The following TANGO2 variants were observed in gnomAD, a reference collection of about 807,000 sequenced individuals.
TANGO2 encodes transport and Golgi organization protein 2 homolog.
In TANGO2, 26 loss-of-function variants were observed where a neutral mutation model predicts 39.1. The ratio of observed to expected loss-of-function variants is 0.67; its 90% CI spans 0.49 to 0.92. The LOEUF (loss-of-function observed/expected upper bound fraction) is 0.92. Ranked by LOEUF, TANGO2 falls within the 40% of genes least tolerant of loss-of-function variation. The pLI, the probability that TANGO2 is intolerant of heterozygous loss-of-function variation, is 0.00. For synonymous variants in TANGO2, 131 were observed against 144.5 expected, an observed-to-expected ratio of 0.91 and a Z score of 0.67; for missense variants, 326 against 360.1, an observed-to-expected ratio of 0.91 and a Z score of 0.77.
At chr22:20,030,599 C>G (rs1362149762) in intron 1 of TANGO2, among the ~76,000 whole-genome samples, 1 of 151,690 alleles carries the variant, frequency 6.6e-6, no homozygotes, top group Non-Finnish European at 1.5e-5. Flanking sequence ...CCCACCTTGG[C>G]CTCCCAAAGT....
chr22:20,056,119 G>A (rs746984007), intron 6 of TANGO2, 106 bp downstream of exon 6: 2 of 958,800 alleles, frequency 2.1e-6, no homozygotes, highest in East Asian at 2.5e-5. Context: ...CTTCTGAGAT[G>A]ACTTTGTGGC....
intron 6 of TANGO2, 38 bp downstream of exon 6, chr22:20,056,051 G>A (rs2047273316): frequency 1.3e-6 from 2 of 1,531,560 alleles, no homozygotes; most frequent in Non-Finnish European, 1.8e-6. Flanking sequence ...GTGGGGGACT[G>A]TTTCTATGCA....
chr22:20,062,875 C>T (rs2048636279), intron 7 of TANGO2: 1 of 157,044 alleles, frequency 6.4e-6, no homozygotes, highest in African/African-American at 2.4e-5. Context: ...AATCCCAGCA[C>T]TTTGGGAAGC....
upstream of TANGO2, chr22:20,017,115 C>A (rs1945239619): frequency 6.6e-6 from 1 of 152,268 alleles, no homozygotes; most frequent in Non-Finnish European, 1.5e-5. Flanking sequence ...CATCCAGCCC[C>A]GAGCAGGGAC....
intron 3 of TANGO2, among the ~76,000 whole-genome samples, chr22:20,050,894 C>G (rs1291066808): frequency 1.6e-5 from 2 of 127,898 alleles, no homozygotes; most frequent in African/African-American, 6.0e-5. Flanking sequence ...ATGGTGTGAT[C>G]TCGGCTCACT....
chr22:20,060,522 C>T (rs931485781), intron 6 of TANGO2, among the ~76,000 whole-genome samples: 4 of 152,120 alleles, frequency 2.6e-5, no homozygotes, highest in Non-Finnish European at 5.9e-5. Flanking sequence ...GCCCCAGCCT[C>T]CCGATGTGCT....
At chr22:20,063,937 C>T (rs934307803) in intron 8 of TANGO2, among the ~76,000 whole-genome samples, 2 of 152,248 alleles carry the variant, frequency 1.3e-5, no homozygotes, top group Non-Finnish European at 2.9e-5. Flanking sequence ...TCCCACCCCA[C>T]GGGGTGCACT....
intron 1 of TANGO2, among the ~76,000 whole-genome samples, chr22:20,034,649 C>T (rs1442996229): frequency 6.6e-6 from 1 of 152,180 alleles, no homozygotes; most frequent in Non-Finnish European, 1.5e-5. Context: ...GTGGCTGCGG[C>T]TGTAGTTCAT....
intron 6 of TANGO2, 59 bp downstream of exon 6, chr22:20,056,072 T>C (rs756347866): frequency 1.4e-6 from 2 of 1,404,658 alleles, no homozygotes; most frequent in Non-Finnish European, 2.0e-6. Flanking sequence ...GAGGTCACCC[T>C]TGTGCTTTTT....
intron 3 of TANGO2, among the ~76,000 whole-genome samples, chr22:20,050,025 G>A (rs904738629): frequency 7.2e-5 from 11 of 152,000 alleles, no homozygotes; most frequent in Non-Finnish European, 1.5e-4. Flanking sequence ...TGGCTAACAC[G>A]GTGAAACCCT....
chr22:20,059,517 C>T (rs1031452321), intron 6 of TANGO2, among the ~76,000 whole-genome samples: 1 of 152,226 alleles, frequency 6.6e-6, no homozygotes, highest in African/African-American at 2.4e-5. Context: ...ATGCGGGTTG[C>T]AGCTTCTCTG....
intron 1 of TANGO2, among the ~76,000 whole-genome samples, chr22:20,030,764 C>T (rs1469798571): frequency 6.6e-6 from 1 of 152,186 alleles, no homozygotes; most frequent in Non-Finnish European, 1.5e-5. Context: ...CTCGCCCAAC[C>T]AGCAGTTGCT....
chr22:20,043,176 A>C (rs1191285677), intron 2 of TANGO2, among the ~76,000 whole-genome samples, 179 bp from the exon 3 acceptor site: 2 of 152,144 alleles, frequency 1.3e-5, no homozygotes, highest in Non-Finnish European at 2.9e-5. Context: ...GGCTCCCGAG[A>C]GCTCACCTGG....
chr22:20,034,034 C>A (rs892672862), intron 1 of TANGO2, among the ~76,000 whole-genome samples: 1 of 152,082 alleles, frequency 6.6e-6, no homozygotes, highest in African/African-American at 2.4e-5. Context: ...GGAGAAACCC[C>A]GTCTCCACTA....
chr22:20,028,064 G>T (rs1286427338), intron 1 of TANGO2, among the ~76,000 whole-genome samples: 2 of 152,158 alleles, frequency 1.3e-5, no homozygotes, highest in Non-Finnish European at 2.9e-5. Context: ...CTCCCAAAGT[G>T]CAGGGATTAC....
intron 2 of TANGO2, among the ~76,000 whole-genome samples, chr22:20,040,822 G>C (rs2043764546): frequency 6.6e-6 from 1 of 152,182 alleles, no homozygotes; most frequent in African/African-American, 2.4e-5. Flanking sequence ...GGTCTGGGTT[G>C]AAACATGGCA....
chr22:20,049,508 A>G (rs947680154), intron 3 of TANGO2, among the ~76,000 whole-genome samples: 1 of 152,094 alleles, frequency 6.6e-6, no homozygotes, highest in African/African-American at 2.4e-5. Flanking sequence ...TAAAAATACA[A>G]AATTAGCTGG....
chr22:20,037,210 C>T (rs1344793266), intron 2 of TANGO2: 14 of 1,187,286 alleles, frequency 1.2e-5, no homozygotes, highest in Non-Finnish European at 1.4e-5. Context: ...CTTGGGCTGG[C>T]GGGTCACAGC....
intron 3 of TANGO2, among the ~76,000 whole-genome samples, chr22:20,048,906 A>C (rs535476000): frequency 2.0e-5 from 3 of 152,310 alleles, no homozygotes; most frequent in Non-Finnish European, 2.9e-5. Flanking sequence ...TGGCCTCCCA[A>C]AGTGGTAGGA....
Sources: gnomAD v4.1 joint callset for allele counts (sites outside exome capture counted in the v4.1 genomes callset) on GRCh38, gnomAD v4.1.1 for gene constraint, MANE v1.5 for transcripts, NCBI Gene and HGNC (gene_info 2026-07-23, HGNC 2026-07-21) for gene names.